The following ARK2C variants were observed in gnomAD, a reference collection of about 807,000 sequenced individuals.
The protein encoded by ARK2C is E3 ubiquitin-protein ligase ARK2C.
chr18:46,391,324 G>A, the ARK2C span, among the ~76,000 whole-genome samples: 1 of 152,248 alleles, frequency 6.6e-6, no homozygotes, highest in Middle Eastern at 3.4e-3. Context: ...TGTGTCCCAT[G>A]GGCTCTCTGT....
the ARK2C span, among the ~76,000 whole-genome samples, chr18:46,438,848 A>G: frequency 1.3e-5 from 2 of 152,232 alleles, no homozygotes; most frequent in African/African-American, 4.8e-5. Flanking sequence ...GTGCTCTACA[A>G]AGAGTTTTCA....
chr18:46,434,616 T>C, the ARK2C span, among the ~76,000 whole-genome samples: 2 of 152,220 alleles, frequency 1.3e-5, no homozygotes, highest in Non-Finnish European at 1.5e-5. Context: ...AAAATGGTTT[T>C]GACCTCTTGA....
At chr18:46,434,748 A>G in the ARK2C span, among the ~76,000 whole-genome samples, 2 of 152,178 alleles carry the variant, frequency 1.3e-5, no homozygotes, top group Non-Finnish European at 2.9e-5. Context: ...TGCTTGAGAT[A>G]GAAGGTGAGC....
chr18:46,383,752 C>A, the ARK2C span, among the ~76,000 whole-genome samples: 1 of 151,986 alleles, frequency 6.6e-6, no homozygotes, highest in African/African-American at 2.4e-5. Flanking sequence ...GACGGGGTTT[C>A]ACCGTGTTGG....
the ARK2C span, among the ~76,000 whole-genome samples, chr18:46,455,114 C>T: frequency 6.6e-6 from 1 of 152,270 alleles, no homozygotes; most frequent in African/African-American, 2.4e-5. Flanking sequence ...GATTGCTTTA[C>T]GATAGTGCCT....
chr18:46,339,192 C>T, the ARK2C span, among the ~76,000 whole-genome samples: 1 of 152,154 alleles, frequency 6.6e-6, no homozygotes, highest in African/African-American at 2.4e-5. Flanking sequence ...TTACAGGAGA[C>T]TTAGAAAGCC....
the ARK2C span, among the ~76,000 whole-genome samples, chr18:46,375,802 A>G: frequency 2.0e-5 from 3 of 152,070 alleles, no homozygotes; most frequent in Non-Finnish European, 4.4e-5. Flanking sequence ...TGTCCCTCCA[A>G]TCCCACCTGG....
chr18:46,435,066 G>A, the ARK2C span, among the ~76,000 whole-genome samples: 3 of 152,224 alleles, frequency 2.0e-5, no homozygotes, highest in East Asian at 1.9e-4. Context: ...CGGGCAGCCC[G>A]GAGACAGCCA....
the ARK2C span, among the ~76,000 whole-genome samples, chr18:46,394,658 G>A: frequency 6.6e-6 from 1 of 152,178 alleles, no homozygotes; most frequent in Non-Finnish European, 1.5e-5. Context: ...ACAAACTAAT[G>A]ACCCTGGCGA....
the ARK2C span, among the ~76,000 whole-genome samples, chr18:46,409,750 G>C: frequency 2.0e-5 from 3 of 152,200 alleles, no homozygotes; most frequent in Non-Finnish European, 4.4e-5. Context: ...GGATAGATGG[G>C]CCCTTCAGGC....
chr18:46,372,332 C>T, the ARK2C span, among the ~76,000 whole-genome samples: 1 of 152,190 alleles, frequency 6.6e-6, no homozygotes, highest in African/African-American at 2.4e-5. Flanking sequence ...TGAGGCAAGT[C>T]ACTTCGCTCT....
the ARK2C span, among the ~76,000 whole-genome samples, chr18:46,388,239 C>T: frequency 6.6e-6 from 1 of 152,124 alleles, no homozygotes; most frequent in Non-Finnish European, 1.5e-5. Context: ...GTATGTAATA[C>T]CACCTCTAAC....
chr18:46,446,742 T>C, the ARK2C span, among the ~76,000 whole-genome samples: 1 of 151,260 alleles, frequency 6.6e-6, no homozygotes, highest in South Asian at 2.1e-4. Flanking sequence ...TCTCCAGCAT[T>C]CTTTGAAGGG....
chr18:46,358,225 A>G, the ARK2C span, among the ~76,000 whole-genome samples: 2 of 152,210 alleles, frequency 1.3e-5, no homozygotes, highest in East Asian at 3.9e-4. Context: ...GCAAGCGTTC[A>G]GAGAAAAGGG....
At chr18:46,367,383 G>C in the ARK2C span, among the ~76,000 whole-genome samples, 1 of 152,156 alleles carries the variant, frequency 6.6e-6, no homozygotes, top group African/African-American at 2.4e-5. Flanking sequence ...TTTATGTTCA[G>C]TGTGGGAGGT....
the ARK2C span, among the ~76,000 whole-genome samples, chr18:46,345,786 G>C: frequency 2.0e-5 from 3 of 152,146 alleles, no homozygotes; most frequent in Non-Finnish European, 4.4e-5. Context: ...TTTCATTCAG[G>C]CAGGTCAGTC....
chr18:46,450,945 C>T, the ARK2C span: 1 of 638,196 alleles, frequency 1.6e-6, no homozygotes, highest in South Asian at 1.9e-5. Flanking sequence ...GCTGTAATAA[C>T]TTCCCAGGGT....
chr18:46,386,297 G>A, the ARK2C span: 17 of 152,162 alleles, frequency 1.1e-4, no homozygotes, highest in African/African-American at 3.4e-4. Flanking sequence ...CATTGTCATC[G>A]TTGCCTTCAT....
the ARK2C span, among the ~76,000 whole-genome samples, chr18:46,426,619 T>C: frequency 6.6e-6 from 1 of 152,344 alleles, no homozygotes; most frequent in South Asian, 2.1e-4. Flanking sequence ...TCAGGTGTGC[T>C]CACTGTCCTT....
Sources: allele counts gnomAD v4.1 joint callset (sites outside exome capture counted in the v4.1 genomes callset), GRCh38; gene constraint gnomAD v4.1.1; transcripts MANE v1.5; gene names NCBI Gene and HGNC (gene_info 2026-07-23, HGNC 2026-07-21).